ABCB1: variants seen among roughly 807,000 people sequenced by gnomAD.
The protein encoded by ABCB1 is ATP-dependent translocase ABCB1.
ABCB1 carries 69 observed loss-of-function variants against 142.0 expected under a neutral mutation model. The observed-to-expected ratio is 0.49, with a 90% CI of 0.40 to 0.59. The LOEUF (loss-of-function observed/expected upper bound fraction) is 0.59. Ranked by LOEUF, ABCB1 falls within the 20% of genes least tolerant of loss-of-function variation. The pLI is 0.00. For synonymous variants in ABCB1, 532 were observed against 539.2 expected (o/e 0.99, Z 0.18); for missense variants, 1,326 against 1,554.7 (o/e 0.85, Z 2.47).
At chr7:87,560,489 A>C (rs113679151) in intron 8 of ABCB1, among the ~76,000 whole-genome samples, 1 of 152,108 alleles carries the variant, frequency 6.6e-6, no homozygotes, top group Non-Finnish European at 1.5e-5. Context: ...ACAACTTCTC[A>C]TCTTCCCTAG....
chr7:87,526,379 C>G (rs1326437513), intron 21 of ABCB1, among the ~76,000 whole-genome samples: 2 of 152,014 alleles, frequency 1.3e-5, no homozygotes, highest in Non-Finnish European at 2.9e-5. Flanking sequence ...TTGTGATGAG[C>G]CTTAAAAATC....
intron 1 of ABCB1, among the ~76,000 whole-genome samples, chr7:87,706,715 T>G (rs893639785): frequency 2.0e-5 from 3 of 152,138 alleles, no homozygotes; most frequent in Non-Finnish European, 4.4e-5. Flanking sequence ...GTGGAGATTT[T>G]TATTTCCTTG....
intron 1 of ABCB1, among the ~76,000 whole-genome samples, chr7:87,652,729 C>G (rs2130386638): frequency 6.7e-6 from 1 of 149,722 alleles, no homozygotes; most frequent in Non-Finnish European, 1.5e-5. Flanking sequence ...ATATTATTTC[C>G]TATTTTTTGG....
At chr7:87,620,228 T>G (rs574514269) in intron 1 of ABCB1, among the ~76,000 whole-genome samples, 1 of 152,258 alleles carries the variant, frequency 6.6e-6, no homozygotes, top group South Asian at 2.1e-4. Context: ...TGGCACGATC[T>G]TGACTCACTG....
At chr7:87,548,040 T>TAAGAA (rs1361690434) in intron 14 of ABCB1, among the ~76,000 whole-genome samples, 4 of 137,708 alleles carry the variant, frequency 2.9e-5, no homozygotes, top group African/African-American at 8.2e-5. Context: ...TAAGATAAGA[T>TAAGAA]AAGAAAAGAA....
intron 1 of ABCB1, among the ~76,000 whole-genome samples, chr7:87,606,200 A>G (rs1386161878): frequency 6.6e-6 from 1 of 152,164 alleles, no homozygotes; most frequent in Non-Finnish European, 1.5e-5. Flanking sequence ...AGTATGTAGT[A>G]TACTGGTACA....
intron 1 of ABCB1, among the ~76,000 whole-genome samples, chr7:87,610,534 C>T (rs912317826): frequency 2.0e-5 from 3 of 151,586 alleles, no homozygotes; most frequent in Non-Finnish European, 4.4e-5. Context: ...CAGGAGTCAG[C>T]CACTGCATCT....
At chr7:87,708,255 C>T (rs1646321390) in intron 1 of ABCB1, among the ~76,000 whole-genome samples, 1 of 151,866 alleles carries the variant, frequency 6.6e-6, no homozygotes, top group South Asian at 2.1e-4. Flanking sequence ...CAAGACTATT[C>T]AAGAAGATCA....
intron 1 of ABCB1, among the ~76,000 whole-genome samples, chr7:87,613,264 T>C (rs1257428927): frequency 3.5e-5 from 5 of 143,142 alleles, no homozygotes; most frequent in African/African-American, 1.3e-4. Flanking sequence ...TTTCTTTTTT[T>C]TTTTTTTTTT....
At chr7:87,634,805 A>G (rs1821599790) in intron 1 of ABCB1, among the ~76,000 whole-genome samples, 1 of 152,190 alleles carries the variant, frequency 6.6e-6, no homozygotes, top group Non-Finnish European at 1.5e-5. Flanking sequence ...TTTGAGTTTG[A>G]GTTTGGATTC....
At chr7:87,551,670 A>T (rs940756133) in intron 9 of ABCB1, among the ~76,000 whole-genome samples, 3 of 150,290 alleles carry the variant, frequency 2.0e-5, no homozygotes, top group Non-Finnish European at 4.5e-5. Flanking sequence ...AAAAAAAAAA[A>T]TTATAGAGAT....
At chr7:87,565,730 G>T (rs28381849) in intron 7 of ABCB1, among the ~76,000 whole-genome samples, 106 of 152,110 alleles carry the variant, frequency 7.0e-4, no homozygotes, top group Admixed American at 2.2e-3. Context: ...CCACTAGAGA[G>T]CATGGTTCTT....
At chr7:87,600,972 C>G (rs1390127859), upstream of ABCB1, 2 of 152,340 alleles carry the variant, frequency 1.3e-5, no homozygotes, top group African/African-American at 4.8e-5. Context: ...ATCAGCCTCA[C>G]CACAGATGAC....
chr7:87,584,116 G>C (rs1818631483), intron 4 of ABCB1, among the ~76,000 whole-genome samples: 1 of 152,126 alleles, frequency 6.6e-6, no homozygotes, highest in Admixed American at 6.6e-5. Context: ...ATTTTACATA[G>C]CTCAAACATA....
At chr7:87,702,174 AG>A (rs1343611570) in intron 1 of ABCB1, among the ~76,000 whole-genome samples, 3 of 144,422 alleles carry the variant, frequency 2.1e-5, no homozygotes, top group Non-Finnish European at 4.6e-5. Flanking sequence ...AAAAAAAAAC[AG>A]AGATACTTTT....
intron 1 of ABCB1, chr7:87,710,499 AT>A (rs2130740373): frequency 2.4e-6 from 2 of 836,022 alleles, no homozygotes; most frequent in Non-Finnish European, 3.8e-6. Flanking sequence ...ATATTAAAAT[AT>A]TTTTGATGGC....
At chr7:87,711,537 A>G (rs1476144197) in intron 1 of ABCB1, among the ~76,000 whole-genome samples, 12 of 152,072 alleles carry the variant, frequency 7.9e-5, no homozygotes, top group Non-Finnish European at 1.3e-4. Flanking sequence ...CCTAATTAGC[A>G]CTCATCTGCT....
In ABCB1 at chr7:87,660,127, T is replaced by G. The variant is rs1203932165; in HGVS notation, c.-331+53034A>C. ...TAGCCTCAAAAATGCATTGCAGGTG[T>G]TTTGTCTTTTTTTCATTCTTTGGGA... is the stretch of plus-strand genomic sequence containing the variant. On this transcript the variant is annotated intron_variant, in intron 1 of 28. Coordinates refer to the ABCB1 transcript ENST00000265724. Among the ~76,000 whole-genome samples the G allele has an allele frequency of 5.3e-5, 8 of 152,022 alleles. No homozygotes were observed. The East Asian group carries it at 1.5e-3, about 29-fold the overall frequency.
At chr7:87,545,729 C>T (rs1356029817) in intron 15 of ABCB1, 134 bp downstream of exon 15, 3 of 902,358 alleles carry the variant, frequency 3.3e-6, no homozygotes, top group East Asian at 5.3e-5. Context: ...AAACACTGGT[C>T]TCATCCTGAA....
Sources: gnomAD v4.1 joint callset for allele counts (sites outside exome capture counted in the v4.1 genomes callset) on GRCh38, gnomAD v4.1.1 for gene constraint, MANE v1.5 for transcripts, NCBI Gene and HGNC (gene_info 2026-07-23, HGNC 2026-07-21) for gene names.